RGS20: variants seen among roughly 807,000 people sequenced by gnomAD.
RGS20 encodes regulator of G protein signaling 20, also known as gz-selective GTPase-activating protein.
RGS20 carries 30 observed loss-of-function variants against 33.6 expected under a neutral mutation model. The observed-to-expected ratio is 0.89, with a 90% CI of 0.67 to 1.21. The LOEUF is 1.21. Ranked by LOEUF, RGS20 falls within the 50% of genes most tolerant of loss-of-function variation. The probability of loss-of-function intolerance (pLI) is 0.00; values close to 1 mark genes in which losing one functional copy is unlikely to be tolerated. For missense variants in RGS20, 472 were observed against 502.4 expected, an observed-to-expected ratio of 0.94 and a Z score of 0.58; for synonymous variants, 208 against 197.9, an observed-to-expected ratio of 1.05 and a Z score of -0.43.
At chr8:53,951,292 C>T (rs1265061168) in intron 4 of RGS20, among the ~76,000 whole-genome samples, 2 of 152,084 alleles carry the variant, frequency 1.3e-5, no homozygotes, top group Non-Finnish European at 2.9e-5. Context: ...TGAGACCAGC[C>T]TGAGCAACAT....
At chr8:53,915,428 G>A (rs1188616086) in intron 2 of RGS20, among the ~76,000 whole-genome samples, 1 of 151,840 alleles carries the variant, frequency 6.6e-6, no homozygotes, top group African/African-American at 2.4e-5. Context: ...TCTTCTACAG[G>A]GATCTCCCCA....
intron 3 of RGS20, among the ~76,000 whole-genome samples, chr8:53,940,000 A>G (rs1253951990): frequency 6.6e-6 from 1 of 152,208 alleles, no homozygotes; most frequent in Non-Finnish European, 1.5e-5. Context: ...ACGATTGACT[A>G]TCAACATTTG....
intron 1 of RGS20, among the ~76,000 whole-genome samples, chr8:53,862,142 C>T (rs1811823166): frequency 6.6e-6 from 1 of 152,118 alleles, no homozygotes; most frequent in African/African-American, 2.4e-5. Flanking sequence ...CTCACCCACC[C>T]CTCACCTTGG....
At chr8:53,881,774 C>T (rs946369487) in intron 2 of RGS20, among the ~76,000 whole-genome samples, 14 of 152,160 alleles carry the variant, frequency 9.2e-5, no homozygotes, top group African/African-American at 3.4e-4. Context: ...GGGCAGTTAA[C>T]GTGCAGGCGC....
intron 1 of RGS20, among the ~76,000 whole-genome samples, chr8:53,878,743 G>T (rs1220701467): frequency 6.6e-6 from 1 of 152,132 alleles, no homozygotes. Flanking sequence ...AGTAGCCAAG[G>T]CCAACTCTGT....
At chr8:53,944,621 TC>T (rs1271015629) in intron 3 of RGS20, among the ~76,000 whole-genome samples, 1 of 152,004 alleles carries the variant, frequency 6.6e-6, no homozygotes, top group African/African-American at 2.4e-5. Flanking sequence ...GTAAAATTCT[TC>T]CTATTTGCAG....
rs766676861 is a variant in RGS20 at position 53,958,399 on chromosome 8, A to T, written c.1108A>T (p.Asn370Tyr). Reference sequence around the variant, plus strand: ...CAGAGACTCATATCCTCGATTCATGAACTCTGCTGTCTATAAGGACTTGCT... The same window carrying T: ...CAGAGACTCATATCCTCGATTCATGTACTCTGCTGTCTATAAGGACTTGCT... Residue 370 changes from asparagine (N) to tyrosine (Y), a missense_variant, in exon 6 of 6, where the codon AAC (asparagine) becomes TAC (tyrosine). This residue lies in a region of RGS20 where 125 missense variants were observed against 169.5 expected (regional missense o/e 0.74). Transcript: ENST00000297313. 1.2e-6 allele frequency: 2 copies of T among 1,613,324 alleles called. No homozygotes were observed. The highest frequency in any genetic ancestry group is 1.7e-6 in the Non-Finnish European group (2 of 1,179,546).
At chr8:53,863,393 G>A (rs1253487708) in intron 1 of RGS20, among the ~76,000 whole-genome samples, 4 of 152,074 alleles carry the variant, frequency 2.6e-5, no homozygotes, top group Non-Finnish European at 4.4e-5. Flanking sequence ...GCATTCTCAG[G>A]GGCCCAAGAG....
intron 2 of RGS20, among the ~76,000 whole-genome samples, chr8:53,921,440 T>A (rs1813642276): frequency 6.6e-6 from 1 of 151,580 alleles, no homozygotes; most frequent in Admixed American, 6.6e-5. Context: ...AGCTGAGCTT[T>A]TCTTTTTTTT....
chr8:53,907,664 G>A (rs1326525503), intron 2 of RGS20, among the ~76,000 whole-genome samples: 1 of 152,024 alleles, frequency 6.6e-6, no homozygotes, highest in East Asian at 1.9e-4. Context: ...GAGGAGTGGC[G>A]GGGCAGGTAA....
chr8:53,882,805 C>T (rs1240518932), intron 2 of RGS20, among the ~76,000 whole-genome samples: 2 of 152,146 alleles, frequency 1.3e-5, no homozygotes, highest in Non-Finnish European at 2.9e-5. Flanking sequence ...GGCACCTGCA[C>T]GCGGGCTCCT....
At position 53,954,100 on chromosome 8, in the gene RGS20, C is replaced by A; in HGVS notation, c.768C>A (p.Val256=). 1 of 1,614,048 alleles carries A rather than the reference C, an allele frequency of 6.2e-7. No homozygotes were observed. The highest frequency in any genetic ancestry group is 1.1e-5 in the South Asian group (1 of 91,032). Residue 256 remains valine (V), a synonymous_variant, in exon 5 of 6, where the codon GTC becomes GTA. Coordinates refer to ENST00000297313, the MANE Select transcript of RGS20 (RefSeq NM_170587.4). The stretch of plus-strand genomic sequence containing the variant: ...GCCCTGCTCCTACTCTGGAAGAAGT[C>A]AACGCCTGGGCTCAGTCATTTGACA...
chr8:53,884,191 CT>C (rs4014055), intron 2 of RGS20, among the ~76,000 whole-genome samples: 6,073 of 103,400 alleles, frequency 0.059, 93 homozygotes, highest in Non-Finnish European at 0.087. Context: ...GAAAAACAGT[CT>C]TTTTTTTTTT....
At chr8:53,948,248 T>C (rs957253100) in intron 4 of RGS20, among the ~76,000 whole-genome samples, 1 of 138,726 alleles carries the variant, frequency 7.2e-6, no homozygotes, top group African/African-American at 2.6e-5. Flanking sequence ...ATATATATGA[T>C]AGTATATATA....
At position 53,881,361 on chromosome 8, in the gene RGS20, C is replaced by G. The variant is rs547922150; in HGVS notation, c.510+1759C>G. Among the ~76,000 whole-genome samples, 8 of 152,178 alleles carry G rather than the reference C, an allele frequency of 5.3e-5. No homozygotes were observed. In the South Asian group the frequency reaches 1.7e-3, roughly 32 times the overall value. On this transcript the variant is annotated intron_variant, in intron 2 of 5. Transcript: ENST00000297313. ...TGCCAGGGCGTCCGCGATTCCACCT[C>G]TGCGGCTTCGCGTCGGTGTCTTGGT...
chr8:53,860,410 A>G (rs931611081), intron 1 of RGS20, among the ~76,000 whole-genome samples: 8 of 152,220 alleles, frequency 5.3e-5, no homozygotes, highest in African/African-American at 1.9e-4. Flanking sequence ...TTTATTCAAA[A>G]TAAGACTGGA....
intron 1 of RGS20, among the ~76,000 whole-genome samples, chr8:53,852,659 G>T (rs150494895): frequency 3.2e-4 from 49 of 152,256 alleles, no homozygotes; most frequent in African/African-American, 1.2e-3. Flanking sequence ...GTTTGAGTCT[G>T]TAAATCCTCT....
At chr8:53,885,507 G>A (rs967048781) in intron 2 of RGS20, among the ~76,000 whole-genome samples, 1 of 152,104 alleles carries the variant, frequency 6.6e-6, no homozygotes, top group African/African-American at 2.4e-5. Context: ...CCAGCTACTC[G>A]GGAGGCTGAA....
chr8:53,880,947 G>C, intron 2 of RGS20: 1 of 1,564,762 alleles, frequency 6.4e-7, no homozygotes, highest in Non-Finnish European at 8.6e-7. Flanking sequence ...GAAAGGCGCG[G>C]TGAGCAATCG....
Sources: allele counts gnomAD v4.1 joint callset (sites outside exome capture counted in the v4.1 genomes callset), GRCh38; gene constraint gnomAD v4.1.1; regional missense constraint gnomAD v4.1.1; transcripts MANE v1.5; gene names NCBI Gene and HGNC (gene_info 2026-07-23, HGNC 2026-07-21).